Variants in PRDM11 observed in about 807,000 individuals in gnomAD.
PRDM11 encodes the protein PR domain-containing protein 11.
A neutral mutation model predicts 97.8 loss-of-function variants in PRDM11; 20 were observed. The observed-to-expected ratio is 0.20, with a 90% CI of 0.14 to 0.30. The LOEUF is 0.30. PRDM11 is among the 10% of genes least tolerant of loss of function. The probability of loss-of-function intolerance (pLI) is 1.00; values close to 1 mark genes in which losing one functional copy is unlikely to be tolerated. For synonymous variants in PRDM11, 599 were observed against 637.7 expected, an observed-to-expected ratio of 0.94 and a Z score of 0.91; for missense variants, 1,139 against 1,555.2, an observed-to-expected ratio of 0.73 and a Z score of 4.50.
At chr11:45,186,769 A>G (rs1852720340) in intron 4 of PRDM11, among the ~76,000 whole-genome samples, 2 of 152,170 alleles carry the variant, frequency 1.3e-5, no homozygotes, top group Admixed American at 1.3e-4. Flanking sequence ...CTGGCATCTC[A>G]TACTCTTCCT....
upstream of PRDM11, among the ~76,000 whole-genome samples, chr11:45,141,888 G>A (rs1332381197): frequency 6.6e-6 from 1 of 152,192 alleles, no homozygotes; most frequent in Non-Finnish European, 1.5e-5. Flanking sequence ...CCAGGGAAGG[G>A]AGTTTTTGTT....
Position 45,146,759 on chromosome 11 carries a change from G to A in PRDM11, c.-125G>A, listed in dbSNP as rs1454178984. On this transcript the variant is annotated 5_prime_UTR_variant, in exon 1 of 8. Transcript: ENST00000683152. ...TGCCTCGCCGGGGACCAGCGCGCCC[G>A]CAGCGCGGCCGCTCCCTCCGCGGGG... 6.1e-5 allele frequency: 9 copies of A among 147,506 alleles called. 1 individual carries two copies. In the South Asian group the frequency reaches 1.4e-3, roughly 23 times the overall value. The allele number at this position is 147,506 out of a possible 1,614,324, so 9.1% of individuals were successfully genotyped here.
At position 45,138,018 on chromosome 11, in the gene PRDM11, C is replaced by G. The variant is rs546972689; in HGVS notation, c.96+42117C>G. Among the ~76,000 whole-genome samples the G allele has an allele frequency of 1.3e-5, 2 of 152,220 alleles. 1 individual carries two copies. The highest frequency in any genetic ancestry group is 4.1e-4 in the South Asian group (2 of 4,820). ...TAAAGAAAGGAAGACCTACACCACACGGGGAAAACACAGCTTCACCCTCCA... is the reference window on the plus strand; with the variant it reads ...TAAAGAAAGGAAGACCTACACCACAGGGGGAAAACACAGCTTCACCCTCCA... On this transcript the variant is annotated intron_variant, in intron 1 of 6. Coordinates refer to the PRDM11 transcript ENST00000530656.
At chr11:45,165,827 A>C (rs902441685) in intron 1 of PRDM11, among the ~76,000 whole-genome samples, 2 of 152,116 alleles carry the variant, frequency 1.3e-5, no homozygotes, top group African/African-American at 4.8e-5. Context: ...TCTAGGAGGG[A>C]GCAGGCTTTC....
chr11:45,178,727 T>C (rs761188186), intron 1 of PRDM11, among the ~76,000 whole-genome samples: 4 of 152,136 alleles, frequency 2.6e-5, no homozygotes, highest in Admixed American at 1.3e-4. Context: ...GGGTGCAAAA[T>C]TGAAAGAGGT....
chr11:45,099,222 G>A (rs139349781), intron 1 of PRDM11, among the ~76,000 whole-genome samples: 6 of 152,042 alleles, frequency 3.9e-5, no homozygotes, highest in Non-Finnish European at 8.8e-5. Context: ...GGAGGCTGAG[G>A]TGGGCAGATT....
intron 4 of PRDM11, 151 bp from the exon 5 acceptor site, chr11:45,204,560 C>T (rs1315049301): frequency 4.4e-6 from 3 of 688,458 alleles, no homozygotes; most frequent in African/African-American, 1.8e-5. Context: ...CTGAACCCAG[C>T]CTGCATTTCA....
At chr11:45,190,807 AT>A (rs1852886452) in intron 4 of PRDM11, among the ~76,000 whole-genome samples, 1 of 152,140 alleles carries the variant, frequency 6.6e-6, no homozygotes, top group Non-Finnish European at 1.5e-5. Flanking sequence ...CATAAAAATA[AT>A]TTTTTAGTCA....
At chr11:45,224,959 G>T in intron 7 of PRDM11, 116 bp downstream of exon 7, 1 of 1,563,656 alleles carries the variant, frequency 6.4e-7, no homozygotes, top group South Asian at 1.2e-5. Flanking sequence ...GGAGTGTAAC[G>T]TGGAGGCGGC....
Position 45,224,368 on chromosome 11 carries a change from G to T in PRDM11, c.894G>T (p.Lys298Asn), listed in dbSNP as rs200700967. ...DEGDVHPQAK[K>N]KKIDLIFKDV... ...GGGATGTACACCCCCAAGCTAAGAA[G>T]AAGAAAATTGACCTGATTTTCAAGG... Residue 298 changes from lysine to asparagine, a missense_variant, in exon 7 of 8, where the codon AAG becomes AAT. Transcript: ENST00000683152. 156 of 1,614,190 alleles carry T rather than the reference G, an allele frequency of 9.7e-5. No homozygotes were observed. The highest frequency in any genetic ancestry group is 1.3e-4 in the Non-Finnish European group (150 of 1,180,034).
chr11:45,164,193 G>A (rs1199422590), intron 1 of PRDM11, among the ~76,000 whole-genome samples: 3 of 152,214 alleles, frequency 2.0e-5, no homozygotes, highest in Non-Finnish European at 4.4e-5. Context: ...CCGGTGGAGT[G>A]TATCCAGCAT....
Position 45,227,568 on chromosome 11 carries a change from C to G in PRDM11, c.2943C>G (p.Ile981Met). ...LAQRFDSRSR[I>M]FVKACQVFDL... ...AGAGGTTCGACTCCCGCAGCCGGAT[C>G]TTTGTGAAGGCCTGCCAGGTGTTTG... Residue 981 changes from isoleucine to methionine, a missense_variant, in exon 8 of 8, where the codon ATC becomes ATG. This residue lies in a region of PRDM11 where 710 missense variants were observed against 1,044.9 expected (regional missense o/e 0.68). Coordinates refer to ENST00000683152, the MANE Select transcript of PRDM11 (RefSeq NM_001384648.1). The surrounding 1 kb of genome is among the most constrained non-coding windows in gnomAD (Gnocchi z 8.0). 1 of 1,533,932 alleles carries G rather than the reference C, an allele frequency of 6.5e-7. No homozygotes were observed. Among genetic ancestry groups the G allele is most frequent in the Admixed American group, 2.0e-5 (1 of 51,002 alleles).
intron 3 of PRDM11, 150 bp downstream of exon 3, chr11:45,182,499 G>A: frequency 1.3e-6 from 1 of 747,282 alleles, no homozygotes; most frequent in Admixed American, 2.7e-5. Flanking sequence ...ATCATCATTA[G>A]CCATCCAAAT....
intron 1 of PRDM11, among the ~76,000 whole-genome samples, chr11:45,173,148 C>G (rs1852242134): frequency 6.6e-6 from 1 of 152,156 alleles, no homozygotes; most frequent in Non-Finnish European, 1.5e-5. Context: ...CTAGAATTGG[C>G]TTAGATGAAC....
chr11:45,187,335 G>GA (rs1314888922), intron 4 of PRDM11, among the ~76,000 whole-genome samples: 1 of 152,176 alleles, frequency 6.6e-6, no homozygotes, highest in Non-Finnish European at 1.5e-5. Flanking sequence ...AATTGCAGGA[G>GA]AAAAAATCTA....
At chr11:45,204,916 C>T (rs947014432) in intron 5 of PRDM11, 138 bp downstream of exon 5, 35 of 848,232 alleles carry the variant, frequency 4.1e-5, no homozygotes, top group Non-Finnish European at 6.3e-5. Flanking sequence ...ATGCATCTAG[C>T]TCTGAAGGAC....
chr11:45,191,477 T>C (rs1269147117), intron 4 of PRDM11, among the ~76,000 whole-genome samples: 1 of 152,222 alleles, frequency 6.6e-6, no homozygotes, highest in East Asian at 1.9e-4. Flanking sequence ...CAATCCTCAT[T>C]TAAAGCTATT....
Position 45,228,114 on chromosome 11 carries a change from A to G in PRDM11, c.3489A>G (p.Ala1163=), listed in dbSNP as rs1307477301. 6 of 1,533,192 alleles carry G rather than the reference A, an allele frequency of 3.9e-6. No homozygotes were observed. Among genetic ancestry groups the G allele is most frequent in the Non-Finnish European group, 5.2e-6 (6 of 1,146,326 alleles). The allele number at this position is 1,533,192 out of a possible 1,614,324, so 95.0% of individuals were successfully genotyped here. A position where few individuals can be genotyped will look rare whatever the true frequency, so the allele number is the denominator to read the frequency against. ...TGTCTGCGCTGGAGCAGAAGCCAGCACTACAGACCATGGACCACGGGACGG... is the reference window on the plus strand; with the variant it reads ...TGTCTGCGCTGGAGCAGAAGCCAGCGCTACAGACCATGGACCACGGGACGG... The part of the protein sequence containing the change: ...SRMSALEQKP[A]LQTMDHGTEF... The change falls in exon 8 of 8, where the codon GCA becomes GCG. Residue 1163 remains alanine (A), a synonymous_variant. Transcript: ENST00000683152.
chr11:45,137,529 T>C (rs768572378), intron 1 of PRDM11, among the ~76,000 whole-genome samples: 10 of 152,038 alleles, frequency 6.6e-5, no homozygotes, highest in Non-Finnish European at 1.3e-4. Context: ...GGCAGGAGAA[T>C]TGCTTGAGCC....
Sources: gnomAD v4.1 joint callset for allele counts (sites outside exome capture counted in the v4.1 genomes callset) on GRCh38, gnomAD v4.1.1 for gene constraint, gnomAD v4.1.1 regional missense constraint, Gnocchi (gnomAD v3.1) non-coding constraint, MANE v1.5 for transcripts, NCBI Gene and HGNC (gene_info 2026-07-23, HGNC 2026-07-21) for gene names.